FAM200A: variants seen among roughly 807,000 people sequenced by gnomAD.
FAM200A encodes the protein ZBED8 like.
In FAM200A, 26 loss-of-function variants were observed where a neutral mutation model predicts 44.2. The ratio of observed to expected loss-of-function variants is 0.59; its 90% CI spans 0.43 to 0.82. FAM200A has a LOEUF of 0.82. Among genes scored for constraint, FAM200A ranks in the 40% least tolerant of loss-of-function variants. The pLI is 0.00. For missense variants in FAM200A, 606 were observed against 669.5 expected (o/e 0.91, Z 1.05); for synonymous variants, 206 against 244.4 (o/e 0.84, Z 1.47).
chr7:99,548,365 C>A lies in FAM200A; in HGVS notation c.43G>T (p.Gly15Cys), dbSNP rs769366575. 6.2e-7 allele frequency: 1 copy of A among 1,613,884 alleles called. No individual in the cohort carries two copies. The highest frequency in any genetic ancestry group is 8.5e-7 in the Non-Finnish European group (1 of 1,179,984). Residue 15 changes from glycine (G) to cysteine (C), a missense_variant, in exon 2 of 2, where the codon GGT (glycine) becomes TGT (cysteine). Physicochemically the swap from Gly to Cys is radical, Grantham distance 159. Coordinates refer to ENST00000449309, the MANE Select transcript of FAM200A (RefSeq NM_145111.4). ...SRDTTDLSPG[G>C]TQEMEGIVIV... ...ACGATGCCTTCCATCTCCTGGGTAC[C>A]CCCTGGAGACAAATCTGTAGTATCC...
rs766098761 is a variant in FAM200A, at chr7:99,548,341, C to T, written c.67G>A (p.Val23Met). The T allele has an allele frequency of 9.3e-6, 15 of 1,614,004 alleles. No individual in the cohort carries two copies. The highest frequency in any genetic ancestry group is 6.7e-5 in the East Asian group (3 of 44,892). The change falls in exon 2 of 2, where the codon GTG becomes ATG. Residue 23 changes from valine (V) to methionine (M), a missense_variant. Val to Met is a conservative substitution (Grantham distance 21, BLOSUM62 1). Transcript: ENST00000449309. ...TCTTCCTCCTCCACCTTCACTATCA[C>T]GATGCCTTCCATCTCCTGGGTACCC... is the stretch of plus-strand genomic sequence containing the variant. The part of the protein sequence containing the change: ...PGGTQEMEGI[V>M]IVKVEEEDEE...
chr7:99,548,056 G>T lies in FAM200A; in HGVS notation c.352C>A (p.Arg118=). The T allele has an allele frequency of 6.4e-7, 1 of 1,551,468 alleles. No homozygotes were observed. Among genetic ancestry groups the T allele is most frequent in the South Asian group, 1.2e-5 (1 of 84,040 alleles). Residue 118 remains arginine (R), a synonymous_variant, in exon 2 of 2, where the codon CGA becomes AGA. Transcript: ENST00000449309. ...IPLSDNTISR[R]ICTIAKHLEA... ...AAATGTTTTGCAATCGTACAGATTC[G>T]ACGAGATATTGTATTATCACTAAGA...
chr7:99,555,634 C>A (rs1189807163), upstream of FAM200A, among the ~76,000 whole-genome samples: 2 of 152,176 alleles, frequency 1.3e-5, no homozygotes, highest in East Asian at 1.9e-4. Flanking sequence ...GCTGGCCAGG[C>A]ATGGTGGCTC....
chr7:99,556,966 C>A (rs1469329413), upstream of FAM200A, among the ~76,000 whole-genome samples: 3 of 152,144 alleles, frequency 2.0e-5, no homozygotes, highest in Admixed American at 2.0e-4. Flanking sequence ...AACCTGGGAG[C>A]TGGAGGTTGC....
In FAM200A at chr7:99,548,182, T is replaced by A. The variant is rs539486370; in HGVS notation, c.226A>T (p.Met76Leu). Residue 76 changes from methionine to leucine, a missense_variant, in exon 2 of 2, where the codon ATG (methionine) becomes TTG (leucine). Physicochemically the swap from Met to Leu is conservative, Grantham distance 15. Transcript: ENST00000449309. ...LVAYRVAKEK[M>L]AHTAAEKIIL... is the part of the protein sequence containing the mutation. Reference sequence around the variant, plus strand: ...ATTTTTTCAGCCGCTGTGTGAGCCATTTTCTCTTTTGCCACTCTATATGCA... The same window carrying A: ...ATTTTTTCAGCCGCTGTGTGAGCCAATTTCTCTTTTGCCACTCTATATGCA... 6 of 1,557,652 alleles carry A rather than the reference T, an allele frequency of 3.9e-6. 1 individual carries two copies. In the South Asian group the frequency reaches 7.1e-5, roughly 18 times the overall value.
chr7:99,548,872 CA>C (rs1802455224), intron 1 of FAM200A, among the ~76,000 whole-genome samples: 3 of 89,794 alleles, frequency 3.3e-5, no homozygotes, highest in Non-Finnish European at 6.5e-5. Context: ...GTGATCTGGT[CA>C]TTCTTTTTTT....
chr7:99,547,301 AAATATATC>A lies in FAM200A; in HGVS notation c.1099_1106del (p.Asp367SerfsTer4). ...ATCCTAGAATATGTTCAAGATACTGAAATATATCATTGTTTTTCCCCTGCATTTTCAGG... is the reference window on the plus strand; with the variant it reads ...ATCCTAGAATATGTTCAAGATACTGAATTGTTTTTCCCCTGCATTTTCAGG... On this transcript the variant is annotated frameshift_variant, in exon 2 of 2. Transcript: ENST00000449309. LOFTEE classifies it high-confidence loss of function. 3.2e-6 allele frequency: 5 copies of A among 1,551,026 alleles called. No homozygotes were observed.
At chr7:99,557,210 T>G (rs937340440) in intron 1 of FAM200A, among the ~76,000 whole-genome samples, 4 of 152,204 alleles carry the variant, frequency 2.6e-5, no homozygotes, top group Non-Finnish European at 2.9e-5. Flanking sequence ...CCTCTTTAAG[T>G]GGGTACCTTT....
chr7:99,547,309 CATT>C lies in FAM200A; in HGVS notation c.1096_1098del (p.Asn366del), dbSNP rs760143106. ...ATATGTTCAAGATACTGAAATATAT[CATT>C]GTTTTTCCCCTGCATTTTCAGGCTT... On this transcript the variant is annotated inframe_deletion, in exon 2 of 2. Coordinates refer to ENST00000449309, the MANE Select transcript of FAM200A (RefSeq NM_145111.4). The C allele has an allele frequency of 2.4e-5, 37 of 1,550,628 alleles. 1 individual carries two copies. The South Asian group carries it at 4.4e-4, about 19-fold the overall frequency.
In FAM200A at chr7:99,546,535, A is replaced by C. The variant is rs1802388453; in HGVS notation, c.*151T>G. 1 of 777,966 alleles carries C rather than the reference A, an allele frequency of 1.3e-6. No individual in the cohort carries two copies. The highest frequency in any genetic ancestry group is 3.3e-5 in the South Asian group (1 of 30,182). 48.2% of individuals were successfully genotyped at this position (777,966 alleles called of 1,614,324 possible). A position where few individuals can be genotyped will look rare whatever the true frequency, so the allele number is the denominator to read the frequency against. On this transcript the variant is annotated 3_prime_UTR_variant, in exon 2 of 2. Transcript: ENST00000449309. The stretch of plus-strand genomic sequence containing the variant: ...AGGCATGTGCCACCACGCCTGGCTA[A>C]GGTTTCTATTTTTAGTAGAGATGGG...
In FAM200A at chr7:99,550,262, C is replaced by T. The variant is rs534165764; in HGVS notation, c.-100+1592G>A. On this transcript the variant is annotated intron_variant, in intron 1 of 1. Transcript: ENST00000449309. Reference sequence around the variant, plus strand: ...AGTAGCTGGGATTATAGGCGCCCAACACCAGGCCCAGCTAATTTTTGTCTT... The same window carrying T: ...AGTAGCTGGGATTATAGGCGCCCAATACCAGGCCCAGCTAATTTTTGTCTT... Among the ~76,000 whole-genome samples, 14 of 152,236 alleles carry T rather than the reference C, an allele frequency of 9.2e-5. 1 individual carries two copies. The South Asian group carries it at 2.7e-3, about 29-fold the overall frequency.
intron 1 of FAM200A, among the ~76,000 whole-genome samples, chr7:99,549,175 C>CTTTTTTTTTTTTTTTTTTTTTT (rs373272668): frequency 7.4e-6 from 1 of 134,432 alleles, no homozygotes; most frequent in Non-Finnish European, 1.5e-5. Flanking sequence ...ACTTGTATTT[C>CTTTTTTTTTTTTTTTTTTTTTT]TTAAAAATAA....
In FAM200A at chr7:99,546,579, G is replaced by C; in HGVS notation, c.*107C>G. 3 of 1,231,750 alleles carry C rather than the reference G, an allele frequency of 2.4e-6. No individual in the cohort carries two copies. The highest frequency in any genetic ancestry group is 3.2e-6 in the Non-Finnish European group (3 of 941,112). 76.3% of individuals were successfully genotyped at this position (1,231,750 alleles called of 1,614,324 possible). On this transcript the variant is annotated 3_prime_UTR_variant, in exon 2 of 2. Transcript: ENST00000449309. ...AGATGGGGTTTCACCATGTTGGCCA[G>C]GCTGGTCTTGAACTCAAGTGATCTG...
chr7:99,546,698 G>T lies in FAM200A; in HGVS notation c.1710C>A (p.His570Gln). ...GTAAAGTTTGTATTTAATGTGATGG[G>T]TGTGCTTGTCTGTTCATAAGTTCCT... ...DWKELMNRQA[H>Q]PSH The change falls in exon 2 of 2, where the codon CAC (histidine) becomes CAA (glutamine). Residue 570 changes from histidine to glutamine, a missense_variant. Physicochemically the swap from His to Gln is conservative, Grantham distance 24. Transcript: ENST00000449309. The T allele has an allele frequency of 6.6e-7, 1 of 1,523,928 alleles. No homozygotes were observed. Among genetic ancestry groups the T allele is most frequent in the South Asian group, 1.3e-5 (1 of 79,112 alleles). 94.4% of individuals were successfully genotyped at this position (1,523,928 alleles called of 1,614,324 possible).
chr7:99,553,091 ATATATATATTTTTTTT>A (rs1473295421), upstream of FAM200A, among the ~76,000 whole-genome samples: 1 of 96,990 alleles, frequency 1.0e-5, no homozygotes, highest in African/African-American at 5.7e-5. Context: ...ATATATATAT[ATATATATATTTTTTTT>A]TTTTTTTTTT....
chr7:99,555,631 A>G (rs893844425), upstream of FAM200A, among the ~76,000 whole-genome samples: 10 of 152,214 alleles, frequency 6.6e-5, no homozygotes, highest in Non-Finnish European at 1.0e-4. Context: ...GAAGCTGGCC[A>G]GGCATGGTGG....
chr7:99,547,754 G>T lies in FAM200A; in HGVS notation c.654C>A (p.Thr218=). ...TTTCAGTAAGTCTGCTGTGTTTTCC[G>T]GTCATATTTGCTGTTCCATCACTTG... The part of the protein sequence containing the change: ...GISSDGTANM[T]GKHSRLTEKL... The change falls in exon 2 of 2, where the codon ACC becomes ACA. Residue 218 remains threonine (T), a synonymous_variant. Coordinates refer to ENST00000449309, the MANE Select transcript of FAM200A (RefSeq NM_145111.4). The T allele has an allele frequency of 6.4e-7, 1 of 1,551,552 alleles. No individual in the cohort carries two copies. Among genetic ancestry groups the T allele is most frequent in the Non-Finnish European group, 8.7e-7 (1 of 1,146,982 alleles).
chr7:99,554,713 C>T (rs1275244533), upstream of FAM200A, among the ~76,000 whole-genome samples: 1 of 152,134 alleles, frequency 6.6e-6, no homozygotes, highest in Non-Finnish European at 1.5e-5. Context: ...CCATTGCTCA[C>T]TGAGATAATT....
rs1802539237 is a variant in FAM200A at position 99,551,846 on chromosome 7, C to T, written c.-100+8G>A. On this transcript the variant is annotated splice_region_variant and intron_variant, in intron 1 of 1. Coordinates refer to ENST00000449309, the MANE Select transcript of FAM200A (RefSeq NM_145111.4). ...AATCCGGAAACCAAAACTTCGTTCCCTTCCCACCTGTATCCAGGGACACCT... is the reference window on the plus strand; with the variant it reads ...AATCCGGAAACCAAAACTTCGTTCCTTTCCCACCTGTATCCAGGGACACCT... 2 of 985,438 alleles carry T rather than the reference C, an allele frequency of 2.0e-6. No individual in the cohort carries two copies. Among genetic ancestry groups the T allele is most frequent in the African/African-American group, 3.5e-5 (2 of 57,252 alleles). The allele number at this position is 985,438 out of a possible 1,614,324, so 61.0% of individuals were successfully genotyped here.
Sources: gnomAD v4.1 joint callset for allele counts (sites outside exome capture counted in the v4.1 genomes callset) on GRCh38, gnomAD v4.1.1 for gene constraint, MANE v1.5 for transcripts, NCBI Gene and HGNC (gene_info 2026-07-23, HGNC 2026-07-21) for gene names.